Variants in RASGEF1C observed in about 807,000 individuals in gnomAD.
RASGEF1C encodes the protein ras-GEF domain-containing family member 1C.
In RASGEF1C, 27 loss-of-function variants were observed where a neutral mutation model predicts 58.1. The observed-to-expected ratio is 0.46, with a 90% CI of 0.34 to 0.64. The LOEUF (loss-of-function observed/expected upper bound fraction) is 0.64, where lower values mean the gene tolerates loss of function less well. Ranked by LOEUF, RASGEF1C falls within the 30% of genes least tolerant of loss-of-function variation. The pLI, the probability that RASGEF1C is intolerant of heterozygous loss-of-function variation, is 0.01. For missense variants in RASGEF1C, 502 were observed against 605.1 expected (o/e 0.83, Z 1.79); for synonymous variants, 243 against 246.3 (o/e 0.99, Z 0.13).
In RASGEF1C at chr5:180,127,701, G is replaced by A. The variant is rs755998005; in HGVS notation, c.640-18C>T. On this transcript the variant is annotated intron_variant, in intron 5 of 13. Transcript: ENST00000361132. ...AGCCGCTCCTGCAGGGAAGGGTGAA[G>A]AGTGGGTAAAAGAGGGAAGGTATGG... 2.1e-5 allele frequency: 34 copies of A among 1,610,076 alleles called. No homozygotes were observed. The Admixed American group carries it at 5.6e-4, about 26-fold the overall frequency.
At chr5:180,125,520 T>C (rs4248877) in intron 6 of RASGEF1C, among the ~76,000 whole-genome samples, 46,928 of 152,092 alleles carry the variant, frequency 0.31, 7,602 homozygotes, top group East Asian at 0.47. Flanking sequence ...TGGTGGTTCA[T>C]GCCTGTAATC....
intron 12 of RASGEF1C, among the ~76,000 whole-genome samples, chr5:180,109,411 TTG>T (rs1765924435): frequency 1.3e-5 from 2 of 152,156 alleles, no homozygotes; most frequent in Non-Finnish European, 2.9e-5. Context: ...TGAGCCGAGA[TTG>T]CGCCACTGCA....
intron 4 of RASGEF1C, among the ~76,000 whole-genome samples, chr5:180,130,108 C>A (rs1166495870): frequency 6.6e-6 from 1 of 152,158 alleles, no homozygotes; most frequent in Non-Finnish European, 1.5e-5. Flanking sequence ...GCAGCACAGA[C>A]CTTGCAGCCC....
At position 180,137,215 on chromosome 5, in the gene RASGEF1C, G is replaced by A. The variant is rs967117788; in HGVS notation, c.300+375C>T. Among the ~76,000 whole-genome samples, 4 of 152,146 alleles carry A rather than the reference G, an allele frequency of 2.6e-5. No homozygotes were observed. The highest frequency in any genetic ancestry group is 4.4e-5 in the Non-Finnish European group (3 of 68,020). On this transcript the variant is annotated intron_variant, in intron 3 of 13. Coordinates refer to ENST00000361132, the MANE Select transcript of RASGEF1C (RefSeq NM_175062.4). This position sits in a 1 kb window ranked among gnomAD's most constrained non-coding sequence, Gnocchi z 4.1. Reference sequence around the variant, plus strand: ...CCACTAGCGGTAGAGCCCTACCGACGCGTGTGCAATAGAGGCAGCCCGCAG... The same window carrying A: ...CCACTAGCGGTAGAGCCCTACCGACACGTGTGCAATAGAGGCAGCCCGCAG...
At chr5:180,178,079 G>A (rs1443384191) in intron 1 of RASGEF1C, among the ~76,000 whole-genome samples, 7 of 151,238 alleles carry the variant, frequency 4.6e-5, no homozygotes, top group African/African-American at 1.7e-4. Flanking sequence ...TGATTCTCCT[G>A]CCTCAGCCTC....
At chr5:180,125,878 A>C (rs982369263) in intron 6 of RASGEF1C, among the ~76,000 whole-genome samples, 1 of 152,162 alleles carries the variant, frequency 6.6e-6, no homozygotes, top group African/African-American at 2.4e-5. Context: ...AATAATTTTT[A>C]AGAGTATAAA....
intron 1 of RASGEF1C, among the ~76,000 whole-genome samples, chr5:180,201,682 A>G (rs79993120): frequency 0.066 from 10,074 of 152,282 alleles, 479 homozygotes; most frequent in African/African-American, 0.12. Context: ...ACGTCCCCCA[A>G]AATTTATAAT....
intron 6 of RASGEF1C, among the ~76,000 whole-genome samples, chr5:180,122,207 G>A (rs1582267338): frequency 2.0e-5 from 3 of 152,184 alleles, no homozygotes; most frequent in Non-Finnish European, 2.9e-5. Flanking sequence ...ATTTCCCCCC[G>A]GGAGCGATGG....
intron 1 of RASGEF1C, among the ~76,000 whole-genome samples, chr5:180,149,222 G>A (rs1418816505): frequency 2.6e-5 from 4 of 151,070 alleles, no homozygotes; most frequent in African/African-American, 9.8e-5. Flanking sequence ...CAAGTAGTTG[G>A]GACTACAGGT....
intron 1 of RASGEF1C, among the ~76,000 whole-genome samples, chr5:180,142,209 G>A (rs796517601): frequency 2.6e-5 from 4 of 152,238 alleles, no homozygotes; most frequent in African/African-American, 9.6e-5. Context: ...TCGTTGGGAC[G>A]TGGGGCTCGG....
chr5:180,101,386 C>T lies in RASGEF1C; in HGVS notation c.*115G>A, dbSNP rs578041803. ...GGGGGCGGGCAGCAGGCCACAGGGT[C>T]GGCATTTGCAAAATAGTGAGGCACT... On this transcript the variant is annotated 3_prime_UTR_variant, in exon 14 of 14. Coordinates refer to ENST00000361132, the MANE Select transcript of RASGEF1C (RefSeq NM_175062.4). 1.0e-5 allele frequency: 12 copies of T among 1,201,466 alleles called. No homozygotes were observed. Among genetic ancestry groups the T allele is most frequent in the East Asian group, 2.4e-5 (1 of 40,884 alleles). The allele number at this position is 1,201,466 out of a possible 1,614,324, so 74.4% of individuals were successfully genotyped here.
intron 1 of RASGEF1C, among the ~76,000 whole-genome samples, chr5:180,189,751 A>G (rs1425652177): frequency 1.2e-4 from 18 of 151,506 alleles, no homozygotes; most frequent in Non-Finnish European, 1.0e-4. Flanking sequence ...GTGAAACCCC[A>G]TCTCTACTGA....
chr5:180,181,833 CT>C (rs1767334221), intron 1 of RASGEF1C, among the ~76,000 whole-genome samples: 2 of 152,186 alleles, frequency 1.3e-5, no homozygotes, highest in Admixed American at 6.5e-5. Context: ...GGCAGGATGT[CT>C]TCATGCTATA....
chr5:180,208,887 G>T, intron 1 of RASGEF1C, 141 bp downstream of exon 1: 1 of 148,916 alleles, frequency 6.7e-6, no homozygotes, highest in South Asian at 1.8e-4. Context: ...CGCCCCTGCT[G>T]ACCCCGGCGC....
intron 1 of RASGEF1C, among the ~76,000 whole-genome samples, chr5:180,189,947 A>AAAAG (rs1190486975): frequency 6.6e-6 from 1 of 150,596 alleles, no homozygotes; most frequent in Non-Finnish European, 1.5e-5. Flanking sequence ...AAAAAAAAAA[A>AAAAG]AGGAAAGACA....
intron 1 of RASGEF1C, among the ~76,000 whole-genome samples, chr5:180,175,044 G>A (rs1178842464): frequency 6.6e-6 from 1 of 152,148 alleles, no homozygotes; most frequent in African/African-American, 2.4e-5. Flanking sequence ...GGCAGCTCAG[G>A]TGGGGAAAGG....
intron 1 of RASGEF1C, among the ~76,000 whole-genome samples, chr5:180,204,017 C>CAAT (rs1756448359): frequency 6.6e-6 from 1 of 150,992 alleles, no homozygotes; most frequent in Non-Finnish European, 1.5e-5. Context: ...CAAACAACAA[C>CAAT]AACAACAACA....
chr5:180,200,792 C>T (rs936974948), intron 1 of RASGEF1C, among the ~76,000 whole-genome samples: 23 of 152,086 alleles, frequency 1.5e-4, no homozygotes, highest in East Asian at 7.7e-4. Flanking sequence ...GGAGACAGGG[C>T]GCGCGCTCCT....
rs188383173 is a variant in RASGEF1C at position 180,103,324 on chromosome 5, G to A, written c.1304-1181C>T. Among the ~76,000 whole-genome samples the A allele has an allele frequency of 8.6e-3, 1,302 of 152,260 alleles. 23 individuals carry two copies. Among genetic ancestry groups the A allele is most frequent in the African/African-American group, 0.028 (1,145 of 41,542 alleles). The stretch of plus-strand genomic sequence containing the variant: ...GATCTCCTGACCTTGTGATCCGCCC[G>A]CCTCGGCCTCCCAGAGTGCTGAGAT... On this transcript the variant is annotated intron_variant, in intron 12 of 13. Transcript: ENST00000361132.
Sources: gnomAD v4.1 joint callset for allele counts (sites outside exome capture counted in the v4.1 genomes callset) on GRCh38, gnomAD v4.1.1 for gene constraint, Gnocchi (gnomAD v3.1) non-coding constraint, MANE v1.5 for transcripts, NCBI Gene and HGNC (gene_info 2026-07-23, HGNC 2026-07-21) for gene names.